AFF1: variants seen among roughly 807,000 people sequenced by gnomAD.
AFF1 encodes ALF transcription elongation factor 1.
Under a neutral mutation model 121.7 loss-of-function variants are expected in AFF1, and 48 were observed. The observed-to-expected ratio is 0.39, with a 90% CI of 0.31 to 0.50. The LOEUF is 0.50. Ranked by LOEUF, AFF1 falls within the 20% of genes least tolerant of loss-of-function variation. The pLI is 0.76. For missense variants in AFF1, 1,523 were observed against 1,511.7 expected (o/e 1.01, Z -0.12); for synonymous variants, 613 against 563.0 (o/e 1.09, Z -1.26).
intron 2 of AFF1, among the ~76,000 whole-genome samples, chr4:86,981,118 C>T (rs1013824887): frequency 3.3e-5 from 5 of 152,000 alleles, no homozygotes; most frequent in African/African-American, 1.2e-4. Flanking sequence ...GTTCACGCCA[C>T]TCTCCTGCCT....
At chr4:86,995,127 G>A (rs1725015902) in intron 2 of AFF1, among the ~76,000 whole-genome samples, 1 of 152,144 alleles carries the variant, frequency 6.6e-6, no homozygotes, top group Non-Finnish European at 1.5e-5. Context: ...CAGCTACTCA[G>A]GAGGCTGAGG....
rs1723443866 is a variant in AFF1 at position 87,084,130 on chromosome 4, C to T, written c.1070C>T (p.Ser357Phe). ...GCTTTTCACTTTCAGCAGACCTACT[C>T]CAATGAAGTCCATTGTGTTGAAGAG... is the stretch of plus-strand genomic sequence containing the variant. ...MPSQSVEQTY[S>F]NEVHCVEEIL... is the part of the protein sequence containing the mutation. The change falls in exon 5 of 21, where the codon TCC (serine) becomes TTC (phenylalanine). Residue 357 changes from serine to phenylalanine, a missense_variant. By Grantham distance (155) the Ser-to-Phe change is radical (BLOSUM62 -2). Coordinates refer to ENST00000395146, the MANE Select transcript of AFF1 (RefSeq NM_001166693.3). 6.2e-7 allele frequency: 1 copy of T among 1,613,848 alleles called. No homozygotes were observed. The highest frequency in any genetic ancestry group is 8.5e-7 in the Non-Finnish European group (1 of 1,179,820).
At chr4:86,979,971 C>A (rs373586618) in intron 2 of AFF1, among the ~76,000 whole-genome samples, 1 of 152,156 alleles carries the variant, frequency 6.6e-6, no homozygotes, top group African/African-American at 2.4e-5. Flanking sequence ...AGTGCAGTGA[C>A]GTGGCCTCAG....
intron 7 of AFF1, among the ~76,000 whole-genome samples, chr4:87,092,202 G>C (rs1481525660): frequency 6.6e-6 from 1 of 152,184 alleles, no homozygotes; most frequent in African/African-American, 2.4e-5. Context: ...AGGATCACTT[G>C]AGCCTAGGAA....
chr4:87,106,170 G>A (rs1463832654), intron 10 of AFF1, among the ~76,000 whole-genome samples: 2 of 152,154 alleles, frequency 1.3e-5, no homozygotes, highest in Non-Finnish European at 2.9e-5. Flanking sequence ...ATCACTTGAG[G>A]TCAGGAGTTC....
intron 11 of AFF1, among the ~76,000 whole-genome samples, chr4:87,109,817 T>TC (rs1726282549): frequency 3.3e-5 from 5 of 152,210 alleles, no homozygotes; most frequent in Admixed American, 3.3e-4. Context: ...AAATAAATGG[T>TC]CCCATCCTGC....
chr4:87,124,191 G>A (rs1560652627), intron 12 of AFF1, among the ~76,000 whole-genome samples: 2 of 152,148 alleles, frequency 1.3e-5, no homozygotes, highest in African/African-American at 4.8e-5. Flanking sequence ...ACTTTAGTTG[G>A]TATAAATGGA....
At chr4:87,006,429 T>C (rs1726127199) in intron 2 of AFF1, among the ~76,000 whole-genome samples, 1 of 152,240 alleles carries the variant, frequency 6.6e-6, no homozygotes, top group Admixed American at 6.5e-5. Flanking sequence ...GTTTGCTTCT[T>C]GTCAATCCCT....
At chr4:87,108,015 T>A in intron 10 of AFF1, 144 bp from the exon 11 acceptor site, 1 of 775,792 alleles carries the variant, frequency 1.3e-6, no homozygotes. Context: ...ACTTTGGGCC[T>A]CTCTCAGTTG....
At chr4:86,966,318 G>A (rs936478705) in intron 2 of AFF1, among the ~76,000 whole-genome samples, 1 of 152,106 alleles carries the variant, frequency 6.6e-6, no homozygotes, top group African/African-American at 2.4e-5. Flanking sequence ...TCTGGCTCCT[G>A]TGCCTTGTGA....
chr4:87,090,763 C>T (rs1380914072), intron 6 of AFF1, among the ~76,000 whole-genome samples: 3 of 151,974 alleles, frequency 2.0e-5, no homozygotes, highest in Non-Finnish European at 2.9e-5. Flanking sequence ...CCTGTATTCC[C>T]AGTACTTTGG....
At chr4:86,968,015 G>T (rs17012213) in intron 2 of AFF1, among the ~76,000 whole-genome samples, 26,445 of 152,092 alleles carry the variant, frequency 0.17, 2,504 homozygotes, top group East Asian at 0.31. Flanking sequence ...AGAAGGCTTA[G>T]TAAGGAGGTT....
chr4:87,047,555 C>G lies in AFF1; in HGVS notation c.1020C>G (p.Ala340=), dbSNP rs1409333689. ...CAGACTTGAAAGTGCCTGCCAAAGCCAAGCTCACCAAACTGAAGATGCCTT... is the reference window on the plus strand; with the variant it reads ...CAGACTTGAAAGTGCCTGCCAAAGCGAAGCTCACCAAACTGAAGATGCCTT... ...EKTDLKVPAK[A]KLTKLKMPSQ... is the part of the protein sequence containing the mutation. The change falls in exon 4 of 21, where the codon GCC becomes GCG. Residue 340 remains alanine, a synonymous_variant. Coordinates refer to ENST00000395146, the MANE Select transcript of AFF1 (RefSeq NM_001166693.3). 1 of 1,614,158 alleles carries G rather than the reference C, an allele frequency of 6.2e-7. No homozygotes were observed. The highest frequency in any genetic ancestry group is 1.1e-5 in the South Asian group (1 of 91,084).
At chr4:86,997,897 G>C (rs1162227183) in intron 2 of AFF1, among the ~76,000 whole-genome samples, 1 of 152,064 alleles carries the variant, frequency 6.6e-6, no homozygotes, top group Non-Finnish European at 1.5e-5. Context: ...AAGGACTCCA[G>C]ACCAGCCTGG....
At chr4:87,094,864 A>G (rs758409387) in intron 7 of AFF1, 51 bp from the exon 8 acceptor site, 1 of 1,574,992 alleles carries the variant, frequency 6.3e-7, no homozygotes, top group Admixed American at 1.7e-5. Context: ...ACAACTAAGG[A>G]TCTTGTAAAT....
intron 2 of AFF1, among the ~76,000 whole-genome samples, chr4:86,999,738 A>T (rs540244473): frequency 6.6e-6 from 1 of 152,164 alleles, no homozygotes; most frequent in Non-Finnish European, 1.5e-5. Flanking sequence ...GTAAAATAAG[A>T]TTGAGTTGCT....
chr4:86,949,682 A>G (rs1160400290), intron 2 of AFF1: 46 of 1,566,782 alleles, frequency 2.9e-5, no homozygotes, highest in Non-Finnish European at 4.0e-5. Flanking sequence ...CAGGAAGGGG[A>G]TGATGGGCAT....
intron 2 of AFF1, among the ~76,000 whole-genome samples, chr4:86,996,357 A>G (rs1560526650): frequency 1.3e-5 from 2 of 151,382 alleles, no homozygotes; most frequent in South Asian, 2.1e-4. Flanking sequence ...GACATGGGAG[A>G]CTTTTCATTT....
chr4:87,125,773 G>A (rs916235939), intron 13 of AFF1, among the ~76,000 whole-genome samples: 6 of 152,222 alleles, frequency 3.9e-5, no homozygotes. Context: ...AGGCTCAGAT[G>A]TGGAGGGTGT....
Sources: gnomAD v4.1 joint callset for allele counts (sites outside exome capture counted in the v4.1 genomes callset) on GRCh38, gnomAD v4.1.1 for gene constraint, MANE v1.5 for transcripts, NCBI Gene and HGNC (gene_info 2026-07-23, HGNC 2026-07-21) for gene names.